Variants in UBTD2 observed in about 807,000 individuals in gnomAD.
The protein encoded by UBTD2 is ubiquitin domain containing 2.
UBTD2 carries 9 observed loss-of-function variants against 19.8 expected under a neutral mutation model. The ratio of observed to expected loss-of-function variants is 0.46; its 90% CI spans 0.27 to 0.79. UBTD2 has a LOEUF of 0.79. UBTD2 is among the 30% of genes least tolerant of loss of function. The pLI is 0.14. For synonymous variants in UBTD2, 98 were observed against 103.9 expected, an observed-to-expected ratio of 0.94 and a Z score of 0.35; for missense variants, 250 against 300.4, an observed-to-expected ratio of 0.83 and a Z score of 1.24.
chr5:172,283,214 C>T lies in UBTD2; in HGVS notation c.70+382G>A, dbSNP rs975842974. 1.3e-5 allele frequency among the ~76,000 whole-genome samples: 2 copies of T among 152,120 alleles called. No homozygotes were observed. Among genetic ancestry groups the T allele is most frequent in the Non-Finnish European group, 2.9e-5 (2 of 68,004 alleles). ...GCGGGGCCCGTCGGAGGGAACGCAT[C>T]AAGCTCCCTCCCCCCGCCATCAATT... On this transcript the variant is annotated intron_variant, in intron 1 of 2. Coordinates refer to ENST00000393792, the MANE Select transcript of UBTD2 (RefSeq NM_152277.3). The surrounding 1 kb of genome is among the most constrained non-coding windows in gnomAD (Gnocchi z 4.3).
At chr5:172,255,198 G>T in intron 1 of UBTD2, 1 of 445,340 alleles carries the variant, frequency 2.2e-6, no homozygotes, top group Non-Finnish European at 4.5e-6. Context: ...TGAGAGAGGG[G>T]TGCAAATTCC....
intron 1 of UBTD2, chr5:172,255,354 T>G: frequency 2.2e-6 from 1 of 465,112 alleles, no homozygotes; most frequent in East Asian, 5.0e-5. Context: ...GCTTCATGGA[T>G]TCCATGTAAT....
intron 2 of UBTD2, among the ~76,000 whole-genome samples, chr5:172,221,277 G>A (rs1011115644): frequency 2.0e-5 from 3 of 152,134 alleles, no homozygotes; most frequent in Non-Finnish European, 4.4e-5. Context: ...GCTATGGTGG[G>A]AGGATGGCTT....
At chr5:172,242,112 C>T (rs1343067098) in intron 1 of UBTD2, among the ~76,000 whole-genome samples, 2 of 152,330 alleles carry the variant, frequency 1.3e-5, no homozygotes, top group South Asian at 2.1e-4. Context: ...AATGGCTCCC[C>T]CTTTGCCTTC....
In UBTD2 at chr5:172,283,556, A is replaced by G; in HGVS notation, c.70+40T>C. ...GGACAGGTGGCCGGGCCTGGCCGGG[A>G]ACAATGGGGGGCCGAGGCTGCCCCC... is the stretch of plus-strand genomic sequence containing the variant. On this transcript the variant is annotated intron_variant, in intron 1 of 2. Transcript: ENST00000393792. This position sits in a 1 kb window ranked among gnomAD's most constrained non-coding sequence, Gnocchi z 4.3. 7.8e-7 allele frequency: 1 copy of G among 1,276,708 alleles called. No individual in the cohort carries two copies. Among genetic ancestry groups the G allele is most frequent in the Non-Finnish European group, 9.9e-7 (1 of 1,006,068 alleles). 79.1% of individuals were successfully genotyped at this position (1,276,708 alleles called of 1,614,324 possible). A position where few individuals can be genotyped will look rare whatever the true frequency, so the allele number is the denominator to read the frequency against.
chr5:172,267,337 A>T (rs1755397197), intron 1 of UBTD2, among the ~76,000 whole-genome samples: 1 of 152,216 alleles, frequency 6.6e-6, no homozygotes, highest in African/African-American at 2.4e-5. Flanking sequence ...GCATATATGA[A>T]ATTTAGGAAA....
chr5:172,212,111 G>C lies in UBTD2; in HGVS notation c.424C>G (p.Pro142Ala), dbSNP rs1771461065. ...EKSDIETLDI[P>A]EPPPNSGYEC... ...TATCCAGAATTGGGTGGTGGCTCAGGAATATCCAGAGTCTCTATGTCGCTC... is the reference window on the plus strand; with the variant it reads ...TATCCAGAATTGGGTGGTGGCTCAGCAATATCCAGAGTCTCTATGTCGCTC... The change falls in exon 3 of 3, where the codon CCT becomes GCT. Residue 142 changes from proline (P) to alanine (A), a missense_variant. Coordinates refer to ENST00000393792, the MANE Select transcript of UBTD2 (RefSeq NM_152277.3). 1 of 1,614,200 alleles carries C rather than the reference G, an allele frequency of 6.2e-7. No homozygotes were observed. Among genetic ancestry groups the C allele is most frequent in the East Asian group, 2.2e-5 (1 of 44,894 alleles).
chr5:172,263,512 G>T (rs904747074), intron 1 of UBTD2, among the ~76,000 whole-genome samples: 15 of 152,106 alleles, frequency 9.9e-5, no homozygotes, highest in African/African-American at 3.6e-4. Context: ...ACTTGAGTAG[G>T]GGCCGGGTGC....
chr5:172,255,392 C>G, intron 1 of UBTD2: 1 of 495,760 alleles, frequency 2.0e-6, no homozygotes, highest in Admixed American at 2.3e-5. Context: ...GAGACAGGGT[C>G]CACGGGCCTC....
intron 2 of UBTD2, among the ~76,000 whole-genome samples, chr5:172,226,001 A>G (rs1322188793): frequency 6.9e-6 from 1 of 144,388 alleles, no homozygotes; most frequent in Non-Finnish European, 1.5e-5. Context: ...AGAGTGGCAC[A>G]ATCTCAGCTC....
intron 1 of UBTD2, among the ~76,000 whole-genome samples, chr5:172,235,081 T>TA (rs147722144): frequency 0.32 from 48,349 of 151,828 alleles, 7,801 homozygotes; most frequent in South Asian, 0.41. Flanking sequence ...AAAACTGCTC[T>TA]AAAAAAATTT....
At position 172,283,613 on chromosome 5, in the gene UBTD2, T is replaced by A; in HGVS notation, c.53A>T (p.Asn18Ile). 7.7e-7 allele frequency: 1 copy of A among 1,304,890 alleles called. No individual in the cohort carries two copies. Among genetic ancestry groups the A allele is most frequent in the South Asian group, 2.5e-5 (1 of 40,330 alleles). 80.8% of individuals were successfully genotyped at this position (1,304,890 alleles called of 1,614,324 possible). Residue 18 changes from asparagine to isoleucine, a missense_variant, in exon 1 of 3, where the codon AAC becomes ATC. Asn to Ile is a moderately radical substitution (Grantham distance 149). Transcript: ENST00000393792. The surrounding 1 kb of genome is among the most constrained non-coding windows in gnomAD (Gnocchi z 4.3). The stretch of plus-strand genomic sequence containing the variant: ...TCACCTACCTCCGGTGCCCTCCGAG[T>A]TCTCGTTGAGGCTGCCCGAGGAGTC... ...QHDSSGSLNE[N>I]SEGTGVALGR...
At chr5:172,234,608 AT>A (rs780926071) in intron 1 of UBTD2, among the ~76,000 whole-genome samples, 2 of 152,208 alleles carry the variant, frequency 1.3e-5, no homozygotes, top group Non-Finnish European at 2.9e-5. Flanking sequence ...CCACAGGATC[AT>A]TAAAAAGAAT....
chr5:172,217,286 G>T (rs1274671250), intron 2 of UBTD2, among the ~76,000 whole-genome samples: 1 of 151,774 alleles, frequency 6.6e-6, no homozygotes, highest in African/African-American at 2.4e-5. Flanking sequence ...AGGCATGGTG[G>T]TGGGTGCTTA....
intron 2 of UBTD2, among the ~76,000 whole-genome samples, chr5:172,228,478 T>C (rs896087782): frequency 6.6e-6 from 1 of 152,188 alleles, no homozygotes; most frequent in African/African-American, 2.4e-5. Flanking sequence ...CCCAGCACTT[T>C]GGGAGGCCGA....
chr5:172,257,480 T>C (rs1755180265), intron 1 of UBTD2, among the ~76,000 whole-genome samples: 1 of 152,234 alleles, frequency 6.6e-6, no homozygotes. Flanking sequence ...GAACAATTTA[T>C]ATTCCTTTGA....
At chr5:172,244,288 C>A (rs1772194216) in intron 1 of UBTD2, among the ~76,000 whole-genome samples, 1 of 124,148 alleles carries the variant, frequency 8.1e-6, no homozygotes, top group African/African-American at 3.0e-5. Context: ...TTTCCCCTTT[C>A]CTCCCAGTTT....
intron 1 of UBTD2, among the ~76,000 whole-genome samples, chr5:172,264,551 AT>A (rs1407462277): frequency 9.6e-6 from 1 of 104,712 alleles, no homozygotes; most frequent in Non-Finnish European, 1.9e-5. Context: ...AAAAAAAAAA[AT>A]TAAAAAATTA....
intron 1 of UBTD2, among the ~76,000 whole-genome samples, chr5:172,257,914 T>C (rs1473514115): frequency 2.0e-5 from 3 of 152,212 alleles, no homozygotes; most frequent in African/African-American, 7.2e-5. Flanking sequence ...TAGACCTTTG[T>C]TGGACATAGA....
Sources: gnomAD v4.1 joint callset for allele counts (sites outside exome capture counted in the v4.1 genomes callset) on GRCh38, gnomAD v4.1.1 for gene constraint, Gnocchi (gnomAD v3.1) non-coding constraint, MANE v1.5 for transcripts, NCBI Gene and HGNC (gene_info 2026-07-23, HGNC 2026-07-21) for gene names.